Variants in TMEM179B observed in about 807,000 individuals in gnomAD.
TMEM179B encodes transmembrane protein 179B.
In TMEM179B, 13 loss-of-function variants were observed where a neutral mutation model predicts 18.0. That is an observed-to-expected ratio of 0.72 (90% CI 0.47 to 1.15). The LOEUF is 1.15. Among genes scored for constraint, TMEM179B ranks in the 50% most tolerant of loss-of-function variants. The pLI is 0.00. For missense variants in TMEM179B, 320 were observed against 270.6 expected (o/e 1.18, Z -1.28); for synonymous variants, 159 against 117.5 (o/e 1.35, Z -2.29).
intron 1 of TMEM179B, chr11:62,787,933 A>G (rs544258117): frequency 4.0e-6 from 2 of 495,454 alleles, no homozygotes; most frequent in South Asian, 1.5e-5. Flanking sequence ...AAGCTGCCAC[A>G]TGATTGTAGC....
intron 1 of TMEM179B, among the ~76,000 whole-genome samples, chr11:62,788,709 T>G (rs998395323): frequency 3.3e-5 from 5 of 149,832 alleles, no homozygotes; most frequent in African/African-American, 1.2e-4. Flanking sequence ...TCACAGATAG[T>G]TATTTGTTGA....
At position 62,789,593 on chromosome 11, in the gene TMEM179B, C is replaced by T. The variant is rs763941385; in HGVS notation, c.420-8C>T. On this transcript the variant is annotated splice_region_variant and splice_polypyrimidine_tract_variant and intron_variant, in intron 3 of 4. Transcript: ENST00000333449. ...CGCTTTCTCACAACTGTCTCTTTGA[C>T]CTCACAGCTGTTCTGAAGCCCAGAA... 1 of 1,549,598 alleles carries T rather than the reference C, an allele frequency of 6.5e-7. No homozygotes were observed. Among genetic ancestry groups the T allele is most frequent in the South Asian group, 1.3e-5 (1 of 79,036 alleles).
At chr11:62,789,254 C>T in intron 2 of TMEM179B, 38 bp from the exon 3 acceptor site, 1 of 1,613,964 alleles carries the variant, frequency 6.2e-7, no homozygotes. Context: ...GTAGGATGAG[C>T]CTCACCTCCA....
rs544280039 is a variant in TMEM179B, at chr11:62,788,363, A to G, written c.97-660A>G. ...GGTTGCAGTGAGTCGAGATCGTGCC[A>G]TTGCACTCCAGCCTGGGTGACGAGC... On this transcript the variant is annotated intron_variant, in intron 1 of 4. Coordinates refer to ENST00000333449, the MANE Select transcript of TMEM179B (RefSeq NM_199337.3). Among the ~76,000 whole-genome samples the G allele has an allele frequency of 6.6e-5, 10 of 151,902 alleles. No individual in the cohort carries two copies. The South Asian group carries it at 2.1e-3, about 31-fold the overall frequency.
rs773560051 is a variant in TMEM179B at position 62,787,416 on chromosome 11, T to C, written c.-16T>C. ...GGGGTGCTGCTGCAGCGGCGCTTCCTGGTGGTCAGGGCGCCATGGCGCTGT... is the reference window on the plus strand; with the variant it reads ...GGGGTGCTGCTGCAGCGGCGCTTCCCGGTGGTCAGGGCGCCATGGCGCTGT... On this transcript the variant is annotated 5_prime_UTR_variant, in exon 1 of 5. Transcript: ENST00000333449. 3 of 1,557,740 alleles carry C rather than the reference T, an allele frequency of 1.9e-6. No homozygotes were observed. Among genetic ancestry groups the C allele is most frequent in the Admixed American group, 1.9e-5 (1 of 53,370 alleles).
Position 62,787,505 on chromosome 11 carries a change from CCGCGGCGAT to C in TMEM179B, c.75_83del (p.Ala26_Met28del). 6.3e-7 allele frequency: 1 copy of C among 1,576,944 alleles called. No homozygotes were observed. The highest frequency in any genetic ancestry group is 8.5e-7 in the Non-Finnish European group (1 of 1,169,646). ...GCCTTCCTGTGCGGGGCCGTGGCGG[CCGCGGCGAT>C]GACTCGGACCCAGGTGCGGCTGCGG... is the stretch of plus-strand genomic sequence containing the variant. On this transcript the variant is annotated inframe_deletion, in exon 1 of 5. Transcript: ENST00000333449.
At position 62,787,532 on chromosome 11, in the gene TMEM179B, G is replaced by A. The variant is rs757705294; in HGVS notation, c.96+5G>A. ...GCGGCGATGACTCGGACCCAGGTGCGGCTGCGGGGCGGGGTCAGGTAGGCG... is the reference window on the plus strand; with the variant it reads ...GCGGCGATGACTCGGACCCAGGTGCAGCTGCGGGGCGGGGTCAGGTAGGCG... On this transcript the variant is annotated splice_donor_5th_base_variant and intron_variant, in intron 1 of 4. Transcript: ENST00000333449. The A allele has an allele frequency of 3.9e-5, 60 of 1,558,322 alleles. No individual in the cohort carries two copies. Among genetic ancestry groups the A allele is most frequent in the Non-Finnish European group, 5.0e-5 (58 of 1,161,360 alleles).
chr11:62,787,464 TGC>T lies in TMEM179B; in HGVS notation c.36_37del (p.Phe14CysfsTer24), dbSNP rs768798488. Reference protein sequence around the residue: ...ALSWLQRVELALFAAAFLCGA... With the variant: ...ALSWLQRVELXLFAAAFLCGA... ...TGTCCTGGCTGCAGCGCGTCGAGCT[TGC>T]GCTCTTTGCTGCCGCCTTCCTGTGC... On this transcript the variant is annotated frameshift_variant, in exon 1 of 5. Transcript: ENST00000333449. LOFTEE classifies it high-confidence loss of function. 1.3e-5 allele frequency: 20 copies of T among 1,575,418 alleles called. No individual in the cohort carries two copies. The highest frequency in any genetic ancestry group is 1.7e-5 in the Non-Finnish European group (20 of 1,167,998).
intron 1 of TMEM179B, among the ~76,000 whole-genome samples, chr11:62,788,305 A>G (rs1319898191): frequency 6.6e-6 from 1 of 152,166 alleles, no homozygotes; most frequent in African/African-American, 2.4e-5. Context: ...TCGGAGGCTG[A>G]GGCAGGAGAA....
At chr11:62,788,962 C>T in intron 1 of TMEM179B, 61 bp from the exon 2 acceptor site, 1 of 1,528,400 alleles carries the variant, frequency 6.5e-7, no homozygotes. Flanking sequence ...AACACCCTAC[C>T]AAGAGACTGT....
rs183223348 is a variant in TMEM179B, at chr11:62,788,865, T to C, written c.97-158T>C. On this transcript the variant is annotated intron_variant, in intron 1 of 4. Coordinates refer to ENST00000333449, the MANE Select transcript of TMEM179B (RefSeq NM_199337.3). ...GCCGGTGTGATTCCCCAGCAGGCCC[T>C]CTCCATCAATATCCCTGTCCCAGAA... 2.0e-4 allele frequency among the ~76,000 whole-genome samples: 31 copies of C among 152,256 alleles called. No individual in the cohort carries two copies. The East Asian group carries it at 2.3e-3, about 11-fold the overall frequency.
intron 1 of TMEM179B, 26 bp from the exon 2 acceptor site, chr11:62,788,997 T>C (rs775486893): frequency 3.8e-6 from 6 of 1,596,648 alleles, no homozygotes; most frequent in African/African-American, 2.7e-5. Flanking sequence ...ACCTGAAATC[T>C]AGGACTCAGC....
chr11:62,789,430 A>G lies in TMEM179B; in HGVS notation c.419+4A>G, dbSNP rs1753942567. On this transcript the variant is annotated splice_donor_region_variant and intron_variant, in intron 3 of 4. Transcript: ENST00000333449. ...TCTCCTTGAACACTACAATTAGGTA[A>G]TGGGAGAGGGAGGGAAGCCTGGCTG... is the stretch of plus-strand genomic sequence containing the variant. 1 of 1,613,772 alleles carries G rather than the reference A, an allele frequency of 6.2e-7. No individual in the cohort carries two copies.
At chr11:62,789,801 T>C (rs755139851) in intron 4 of TMEM179B, 85 bp from the exon 5 acceptor site, 1 of 1,542,624 alleles carries the variant, frequency 6.5e-7, no homozygotes, top group Admixed American at 2.0e-5. Context: ...AGCTTAAAAT[T>C]CAGCAGTTCA....
rs2084345242 is a variant in TMEM179B at position 62,790,337 on chromosome 11, G to A, written c.*290G>A. 2 of 539,860 alleles carry A rather than the reference G, an allele frequency of 3.7e-6. No homozygotes were observed. The highest frequency in any genetic ancestry group is 1.9e-5 in the African/African-American group (1 of 52,632). The allele number at this position is 539,860 out of a possible 1,614,324, so 33.4% of individuals were successfully genotyped here. On this transcript the variant is annotated 3_prime_UTR_variant, in exon 5 of 5. Transcript: ENST00000333449. ...GACTGAAACTTAGAGGTACTGTTAG[G>A]CAGCTGCCCTAGGGATGACTGCTCC...
chr11:62,790,126 T>C lies in TMEM179B; in HGVS notation c.*79T>C. On this transcript the variant is annotated 3_prime_UTR_variant, in exon 5 of 5. Coordinates refer to ENST00000333449, the MANE Select transcript of TMEM179B (RefSeq NM_199337.3). ...ATCCCCCCCCTCAAGGCCCTGTTTA[T>C]GTTGGGAGTCTTAGTTTTCCTTTCG... The C allele has an allele frequency of 1.4e-6, 2 of 1,443,518 alleles. No homozygotes were observed. Among genetic ancestry groups the C allele is most frequent in the South Asian group, 1.5e-5 (1 of 68,712 alleles). The allele number at this position is 1,443,518 out of a possible 1,614,324, so 89.4% of individuals were successfully genotyped here. A position where few individuals can be genotyped will look rare whatever the true frequency, so the allele number is the denominator to read the frequency against.
rs1565194249 is a variant in TMEM179B, at chr11:62,789,972, G to A, written c.585G>A (p.Arg195=). Residue 195 remains arginine (R), a synonymous_variant, in exon 5 of 5, where the codon CGG becomes CGA. Coordinates refer to ENST00000333449, the MANE Select transcript of TMEM179B (RefSeq NM_199337.3). ...GGAAGTCTGAAGCCACCCCATACCGGCCTCTGGAGAGGGGTGACCCTGAGT... is the reference window on the plus strand; with the variant it reads ...GGAAGTCTGAAGCCACCCCATACCGACCTCTGGAGAGGGGTGACCCTGAGT... The part of the protein sequence containing the change: ...VQWKSEATPY[R]PLERGDPEWS... 6.2e-7 allele frequency: 1 copy of A among 1,614,134 alleles called. No individual in the cohort carries two copies. Among genetic ancestry groups the A allele is most frequent in the Non-Finnish European group, 8.5e-7 (1 of 1,180,012 alleles).
rs1352745812 is a variant in TMEM179B, at chr11:62,789,090, C to A, written c.164C>A (p.Ser55Tyr). The A allele has an allele frequency of 3.1e-6, 5 of 1,614,108 alleles. No individual in the cohort carries two copies. Among genetic ancestry groups the A allele is most frequent in the Non-Finnish European group, 4.2e-6 (5 of 1,180,052 alleles). ...CTGAATGGCTCCTCCCTGGCCTTAT[C>A]CCGTCCCTCAGCACCATCCCTGTGC... ...ATLNGSSLAL[S>Y]RPSAPSLCYF... Residue 55 changes from serine (S) to tyrosine (Y), a missense_variant, in exon 2 of 5, where the codon TCC becomes TAC. Ser to Tyr is a moderately radical substitution (Grantham distance 144). Transcript: ENST00000333449.
At chr11:62,789,774 G>A (rs916236306) in intron 4 of TMEM179B, 95 bp downstream of exon 4, 1 of 1,515,168 alleles carries the variant, frequency 6.6e-7, no homozygotes, top group African/African-American at 1.4e-5. Flanking sequence ...CCAGTGAGAG[G>A]AGCTGAAGGG....
Sources: allele counts gnomAD v4.1 joint callset (sites outside exome capture counted in the v4.1 genomes callset), GRCh38; gene constraint gnomAD v4.1.1; transcripts MANE v1.5; gene names NCBI Gene and HGNC (gene_info 2026-07-23, HGNC 2026-07-21).